Variants in ADD1 observed in about 807,000 individuals in gnomAD.
ADD1 encodes the protein alpha-adducin.
Under a neutral mutation model 80.5 loss-of-function variants are expected in ADD1, and 24 were observed. That is an observed-to-expected ratio of 0.30 (90% CI 0.22 to 0.42). The LOEUF is 0.42. ADD1 is among the 10% of genes least tolerant of loss of function. The pLI is 1.00. For synonymous variants in ADD1, 373 were observed against 393.8 expected (o/e 0.95, Z 0.63); for missense variants, 948 against 1,019.0 (o/e 0.93, Z 0.95).
In ADD1 at chr4:2,928,530, T is replaced by C. The variant is rs373714403; in HGVS notation, c.*7T>C. On this transcript the variant is annotated 3_prime_UTR_variant, in exon 16 of 16. Transcript: ENST00000683351. ...GAAGAAGAGTGACTCCTGAAAGCCC[T>C]GCGCTAACACTGTCCTGTCCGGAGC... The C allele has an allele frequency of 1.2e-6, 2 of 1,612,022 alleles. No homozygotes were observed. Among genetic ancestry groups the C allele is most frequent in the Non-Finnish European group, 1.7e-6 (2 of 1,179,258 alleles).
At chr4:2,849,127 C>T (rs560941264) in intron 1 of ADD1, among the ~76,000 whole-genome samples, 1 of 152,164 alleles carries the variant, frequency 6.6e-6, no homozygotes, top group Admixed American at 6.5e-5. Context: ...ATTTTCTCCA[C>T]ATAATTAAGT....
rs558962409 is a variant in ADD1 at position 2,907,777 on chromosome 4, C to T, written c.1541C>T (p.Ser514Phe). The change falls in exon 11 of 16, where the codon TCT (serine) becomes TTT (phenylalanine). Residue 514 changes from serine (S) to phenylalanine (F), a missense_variant. Ser to Phe is a radical substitution (Grantham distance 155). Coordinates refer to ENST00000683351, the MANE Select transcript of ADD1 (RefSeq NM_001354761.2). ...TKEDGHRTST[S>F]AVPNLFVPLN... ...GAGGATGGACATAGAACTTCCACCTCTGCTGTCCCTAACCTGTTTGTTCCA... is the reference window on the plus strand; with the variant it reads ...GAGGATGGACATAGAACTTCCACCTTTGCTGTCCCTAACCTGTTTGTTCCA... 2 of 1,614,142 alleles carry T rather than the reference C, an allele frequency of 1.2e-6. No individual in the cohort carries two copies. The highest frequency in any genetic ancestry group is 1.7e-6 in the Non-Finnish European group (2 of 1,180,026).
chr4:2,848,621 A>G (rs1056666930), intron 1 of ADD1, among the ~76,000 whole-genome samples: 12 of 151,904 alleles, frequency 7.9e-5, no homozygotes, highest in African/African-American at 2.9e-4. Flanking sequence ...GGTTCATGCC[A>G]ACAGGCTTGG....
chr4:2,918,814 G>A (rs182098260), intron 14 of ADD1, among the ~76,000 whole-genome samples: 130 of 150,838 alleles, frequency 8.6e-4, no homozygotes, highest in African/African-American at 3.0e-3. Context: ...GATGGATTAC[G>A]TTTATTGATT....
At chr4:2,927,067 G>C (rs1711845797) in intron 15 of ADD1, among the ~76,000 whole-genome samples, 1 of 152,234 alleles carries the variant, frequency 6.6e-6, no homozygotes, top group African/African-American at 2.4e-5. Flanking sequence ...TTGGACCTTT[G>C]CTGAAGCTGG....
At chr4:2,924,970 C>T (rs556631359) in intron 14 of ADD1, among the ~76,000 whole-genome samples, 2 of 152,280 alleles carry the variant, frequency 1.3e-5, no homozygotes, top group South Asian at 4.1e-4. Context: ...GGAGTTTCCC[C>T]CCGATGTGTG....
intron 14 of ADD1, among the ~76,000 whole-genome samples, chr4:2,915,493 T>G (rs1047386440): frequency 6.6e-6 from 1 of 152,134 alleles, no homozygotes; most frequent in Non-Finnish European, 1.5e-5. Flanking sequence ...GAAAAAAAAT[T>G]AGCCGGATGT....
intron 1 of ADD1, among the ~76,000 whole-genome samples, chr4:2,859,108 A>T (rs1374986236): frequency 6.6e-6 from 1 of 152,208 alleles, no homozygotes; most frequent in Non-Finnish European, 1.5e-5. Context: ...AAAACATACC[A>T]TTCATCAAAA....
At chr4:2,852,291 CT>C (rs1476023793) in intron 1 of ADD1, among the ~76,000 whole-genome samples, 7 of 108,488 alleles carry the variant, frequency 6.5e-5, no homozygotes, top group African/African-American at 2.5e-4. Context: ...CTTTTCTTTT[CT>C]TTTCTTTTCT....
chr4:2,872,967 C>A (rs983570530), intron 1 of ADD1, among the ~76,000 whole-genome samples: 6 of 151,894 alleles, frequency 4.0e-5, no homozygotes, highest in African/African-American at 1.5e-4. Flanking sequence ...CCCTTTCTCT[C>A]TCTTTTTTTA....
At position 2,846,836 on chromosome 4, in the gene ADD1, A is replaced by AT. The variant is rs59775240; in HGVS notation, c.-21+2812_-21+2813insT. Among the ~76,000 whole-genome samples, 5 of 146,724 alleles carry AT rather than the reference A, an allele frequency of 3.4e-5. No individual in the cohort carries two copies. In the East Asian group the frequency reaches 7.8e-4, roughly 23 times the overall value. On this transcript the variant is annotated intron_variant, in intron 1 of 15. Transcript: ENST00000683351. Reference sequence around the variant, plus strand: ...CTCTTTAAAAAAAAAAAAAAAAAAAAGCCGAGCGTGGTGGCTCACACCTGT... The same window carrying AT: ...CTCTTTAAAAAAAAAAAAAAAAAAAATGCCGAGCGTGGTGGCTCACACCTGT...
intron 11 of ADD1, among the ~76,000 whole-genome samples, chr4:2,908,268 G>T (rs965050938): frequency 6.6e-6 from 1 of 152,232 alleles, no homozygotes; most frequent in East Asian, 1.9e-4. Context: ...GTGAGAGATA[G>T]GTGTCCTGCC....
At position 2,894,586 on chromosome 4, in the gene ADD1, A is replaced by G; in HGVS notation, c.596A>G (p.Lys199Arg). Reference sequence around the variant, plus strand: ...TTTTTATTTTTTTATTTTCAGGTTAAGATCAATCTACAAGGAGATATAGTA... The same window carrying G: ...TTTTTATTTTTTTATTTTCAGGTTAGGATCAATCTACAAGGAGATATAGTA... Reference protein sequence around the residue: ...YSEVTASSLVKINLQGDIVDR... With the variant: ...YSEVTASSLVRINLQGDIVDR... Residue 199 changes from lysine (K) to arginine (R), a missense_variant, in exon 6 of 16, where the codon AAG (lysine) becomes AGG (arginine). By Grantham distance (26) the Lys-to-Arg change is conservative. Transcript: ENST00000683351. 1 of 1,594,504 alleles carries G rather than the reference A, an allele frequency of 6.3e-7. No homozygotes were observed. Among genetic ancestry groups the G allele is most frequent in the Non-Finnish European group, 8.5e-7 (1 of 1,174,240 alleles).
At chr4:2,904,324 C>T (rs902110433) in intron 9 of ADD1, among the ~76,000 whole-genome samples, 4 of 152,176 alleles carry the variant, frequency 2.6e-5, no homozygotes, top group African/African-American at 9.7e-5. Context: ...TGTCCTGTCT[C>T]CCAGGACAAC....
intron 12 of ADD1, 106 bp from the exon 13 acceptor site, chr4:2,909,233 A>T: frequency 2.2e-6 from 2 of 926,236 alleles, no homozygotes; most frequent in Non-Finnish European, 3.4e-6. Flanking sequence ...CTTACTGTTG[A>T]CAGCTGTCCC....
Position 2,926,261 on chromosome 4 carries a change from T to G in ADD1, c.2047+149T>G. The G allele has an allele frequency of 2.6e-6, 2 of 775,144 alleles. No individual in the cohort carries two copies. The highest frequency in any genetic ancestry group is 4.5e-6 in the Non-Finnish European group (2 of 441,418). 48.0% of individuals were successfully genotyped at this position (775,144 alleles called of 1,614,324 possible). A position where few individuals can be genotyped will look rare whatever the true frequency, so the allele number is the denominator to read the frequency against. ...ACGTGACACCTTTCTCCTCCTATATTGCTTCTGTCCTGGGTAACTCCAGGC... is the reference window on the plus strand; with the variant it reads ...ACGTGACACCTTTCTCCTCCTATATGGCTTCTGTCCTGGGTAACTCCAGGC... On this transcript the variant is annotated intron_variant, in intron 15 of 15. Transcript: ENST00000683351. The surrounding 1 kb of genome is among the most constrained non-coding windows in gnomAD (Gnocchi z 5.0).
At chr4:2,871,920 C>T (rs975626974) in intron 1 of ADD1, among the ~76,000 whole-genome samples, 1 of 152,198 alleles carries the variant, frequency 6.6e-6, no homozygotes, top group African/African-American at 2.4e-5. Context: ...TTGTTTCAAT[C>T]AGGATCCTAC....
chr4:2,926,167 G>A lies in ADD1; in HGVS notation c.2047+55G>A, dbSNP rs1472689499. 11 of 1,472,682 alleles carry A rather than the reference G, an allele frequency of 7.5e-6. No individual in the cohort carries two copies. Among genetic ancestry groups the A allele is most frequent in the East Asian group, 6.8e-5 (3 of 44,088 alleles). The allele number at this position is 1,472,682 out of a possible 1,614,324, so 91.2% of individuals were successfully genotyped here. A position where few individuals can be genotyped will look rare whatever the true frequency, so the allele number is the denominator to read the frequency against. On this transcript the variant is annotated intron_variant, in intron 15 of 15. Coordinates refer to ENST00000683351, the MANE Select transcript of ADD1 (RefSeq NM_001354761.2). This position sits in a 1 kb window ranked among gnomAD's most constrained non-coding sequence, Gnocchi z 5.0. ...GTGGGAGGGTGCACGGCTCGTGCGC[G>A]CTGTGGCGGAATGTGGCGGGAGTCG...
chr4:2,898,233 C>A lies in ADD1; in HGVS notation c.791C>A (p.Ser264Tyr), dbSNP rs1283001081. 1.2e-6 allele frequency: 2 copies of A among 1,614,154 alleles called. No individual in the cohort carries two copies. Among genetic ancestry groups the A allele is most frequent in the South Asian group, 2.2e-5 (2 of 91,076 alleles). Residue 264 changes from serine to tyrosine, a missense_variant, in exon 7 of 16, where the codon TCC (serine) becomes TAC (tyrosine). Transcript: ENST00000683351. ...GLLPISPEAL[S>Y]LGEVAYHDYH... Reference sequence around the variant, plus strand: ...TTGCCAATCTCCCCGGAGGCGCTTTCCCTTGGAGAAGTGGCTTATCATGAC... The same window carrying A: ...TTGCCAATCTCCCCGGAGGCGCTTTACCTTGGAGAAGTGGCTTATCATGAC...
Sources: gnomAD v4.1 joint callset for allele counts (sites outside exome capture counted in the v4.1 genomes callset) on GRCh38, gnomAD v4.1.1 for gene constraint, Gnocchi (gnomAD v3.1) non-coding constraint, MANE v1.5 for transcripts, NCBI Gene and HGNC (gene_info 2026-07-23, HGNC 2026-07-21) for gene names.